PHF23: variants seen among roughly 807,000 people sequenced by gnomAD.
The protein encoded by PHF23 is PDH-containing protein JUNE-1.
Under a neutral mutation model 36.0 loss-of-function variants are expected in PHF23, and 3 were observed. That is an observed-to-expected ratio of 0.08 (90% CI 0.04 to 0.22). PHF23 has a LOEUF of 0.22. Among genes scored for constraint, PHF23 ranks in the 10% least tolerant of loss-of-function variants. The probability of loss-of-function intolerance (pLI) is 1.00; values close to 1 mark genes in which losing one functional copy is unlikely to be tolerated. For missense variants in PHF23, 475 were observed against 513.6 expected, an observed-to-expected ratio of 0.92 and a Z score of 0.73; for synonymous variants, 242 against 192.5, an observed-to-expected ratio of 1.26 and a Z score of -2.13.
rs752336515 is a variant in PHF23, at chr17:7,236,274, CTCT to C, written c.650_652del (p.Lys217del). On this transcript the variant is annotated inframe_deletion, in exon 4 of 5. Transcript: ENST00000320316. This position sits in a 1 kb window ranked among gnomAD's most constrained non-coding sequence, Gnocchi z 5.1. The stretch of plus-strand genomic sequence containing the variant: ...TGCCTTTTTTAACTTCCGCTTCTTG[CTCT>C]TCTTGATTCGAGATCTCTTTTCCCC... 4.3e-6 allele frequency: 7 copies of C among 1,613,510 alleles called. No individual in the cohort carries two copies. Among genetic ancestry groups the C allele is most frequent in the African/African-American group, 2.7e-5 (2 of 74,876 alleles).
rs747316242 is a variant in PHF23, at chr17:7,236,391, C to A, written c.536G>T (p.Arg179Leu). 5 of 1,613,962 alleles carry A rather than the reference C, an allele frequency of 3.1e-6. No individual in the cohort carries two copies. The South Asian group carries it at 4.4e-5, about 14-fold the overall frequency. The change falls in exon 4 of 5, where the codon CGA (arginine) becomes CTA (leucine). Residue 179 changes from arginine (R) to leucine (L), a missense_variant. Coordinates refer to ENST00000320316, the MANE Select transcript of PHF23 (RefSeq NM_024297.3). This position sits in a 1 kb window ranked among gnomAD's most constrained non-coding sequence, Gnocchi z 5.1. ...CTTTCGGTTCTTTCGGTCCTTCTTTCGAGGAGGATGGGAGAGGTCCCCCTG... is the reference window on the plus strand; with the variant it reads ...CTTTCGGTTCTTTCGGTCCTTCTTTAGAGGAGGATGGGAGAGGTCCCCCTG... ...LSQGDLSHPP[R>L]KKDRKNRKLG...
chr17:7,237,606 T>C, intron 2 of PHF23, 23 bp downstream of exon 2: 1 of 1,613,872 alleles, frequency 6.2e-7, no homozygotes, highest in South Asian at 1.1e-5. Context: ...GCTACTAGGC[T>C]GCAAAGGTAA....
rs1597563458 is a variant in PHF23, at chr17:7,236,658, A to G, written c.269T>C (p.Phe90Ser). Residue 90 changes from phenylalanine to serine, a missense_variant, in exon 4 of 5, where the codon TTT (phenylalanine) becomes TCT (serine). Around this residue, in one of 5 missense-constraint regions of PHF23, gnomAD observed 350 missense variants for 319.8 expected, o/e 1.09. Transcript: ENST00000320316. The surrounding 1 kb of genome is among the most constrained non-coding windows in gnomAD (Gnocchi z 5.1). The stretch of plus-strand genomic sequence containing the variant: ...CTTGGATGACTTTGCTTTCTTAACA[A>G]AAGTCTGGATGGTTCGAAGATCTGA... ...APSDLRTIQTFVKKAKSSKRR... is the reference protein window; with the variant it reads ...APSDLRTIQTSVKKAKSSKRR... The G allele has an allele frequency of 1.2e-6, 2 of 1,614,078 alleles. No homozygotes were observed. Among genetic ancestry groups the G allele is most frequent in the Non-Finnish European group, 1.7e-6 (2 of 1,180,010 alleles).
In PHF23 at chr17:7,237,473, G is replaced by A. The variant is rs2071692831; in HGVS notation, c.71C>T (p.Pro24Leu). Reference sequence around the variant, plus strand: ...CTCAATTGTTCTCCGCCGTTTCTCTGGTGGCTGAAAGGAAGGAGATATGGA... The same window carrying A: ...CTCAATTGTTCTCCGCCGTTTCTCTAGTGGCTGAAAGGAAGGAGATATGGA... ...PPTLKPETQP[P>L]EKRRRTIEDF... The change falls in exon 3 of 5, where the codon CCA (proline) becomes CTA (leucine). Residue 24 changes from proline to leucine, a missense_variant. Around this residue, in one of 5 missense-constraint regions of PHF23, gnomAD observed 54 missense variants for 42.0 expected, o/e 1.28. Transcript: ENST00000320316. 6.2e-7 allele frequency: 1 copy of A among 1,613,928 alleles called. No homozygotes were observed. Among genetic ancestry groups the A allele is most frequent in the Non-Finnish European group, 8.5e-7 (1 of 1,179,908 alleles).
chr17:7,236,009 A>G lies in PHF23; in HGVS notation c.918T>C (p.Thr306=). The change falls in exon 4 of 5, where the codon ACT becomes ACC. Residue 306 remains threonine, a synonymous_variant. Transcript: ENST00000320316. This position sits in a 1 kb window ranked among gnomAD's most constrained non-coding sequence, Gnocchi z 5.1. ...TGGCATCTCCATCTTGGCTTGTTTC[A>G]GTGCTGCCCACCTCCTTGCTTTCAC... ...ADSESKEVGS[T]ETSQDGDASS... The G allele has an allele frequency of 6.2e-7, 1 of 1,613,828 alleles. No homozygotes were observed. The highest frequency in any genetic ancestry group is 8.5e-7 in the Non-Finnish European group (1 of 1,179,850).
At position 7,235,076 on chromosome 17, in the gene PHF23, T is replaced by G. The variant is rs1019387100; in HGVS notation, c.*550A>C. 2 of 167,688 alleles carry G rather than the reference T, an allele frequency of 1.2e-5. No individual in the cohort carries two copies. The highest frequency in any genetic ancestry group is 1.1e-4 in the Admixed American group (2 of 18,066). 10.4% of individuals were successfully genotyped at this position (167,688 alleles called of 1,614,324 possible). On this transcript the variant is annotated 3_prime_UTR_variant, in exon 5 of 5. Transcript: ENST00000320316. Reference sequence around the variant, plus strand: ...TGCTTTATTTACAACACGCAGGCTGTCTGTACAAACAGCGGCCGATATTAT... The same window carrying G: ...TGCTTTATTTACAACACGCAGGCTGGCTGTACAAACAGCGGCCGATATTAT...
chr17:7,239,202 C>T (rs1322484203), intron 1 of PHF23, 44 bp downstream of exon 1: 1 of 1,375,406 alleles, frequency 7.3e-7, no homozygotes, highest in Non-Finnish European at 1.0e-6. Context: ...GATTCCTCGC[C>T]CGCCCCCCGC....
chr17:7,239,954 CCT>C (rs2071759041), upstream of PHF23: 1 of 152,422 alleles, frequency 6.6e-6, no homozygotes, highest in East Asian at 1.9e-4. Context: ...CTTCTCCCTC[CCT>C]GATTCCACTC....
At position 7,237,995 on chromosome 17, in the gene PHF23, C is replaced by T. The variant is rs2071709781; in HGVS notation, c.35-335G>A. ...CACCGTACCGCTCCCGGGGCCGCGT[C>T]CGGGCCGCCGCCAGCCGCCCCCGTC... On this transcript the variant is annotated intron_variant, in intron 1 of 4. Transcript: ENST00000320316. 1.8e-5 allele frequency: 5 copies of T among 271,484 alleles called. 1 individual carries two copies. In the South Asian group the frequency reaches 2.7e-4, roughly 15 times the overall value. The allele number at this position is 271,484 out of a possible 1,614,324, so 16.8% of individuals were successfully genotyped here. A position where few individuals can be genotyped will look rare whatever the true frequency, so the allele number is the denominator to read the frequency against.
Position 7,236,491 on chromosome 17 carries a change from C to A in PHF23, c.436G>T (p.Ala146Ser), listed in dbSNP as rs1372325927. ...AGGGATGTGGGGGACAAAGGAGATG[C>A]CACTTTGGGCCCATCCAGATCAAAG... Reference protein sequence around the residue: ...SLFDLDGPKVASPLSPTSLTH... With the variant: ...SLFDLDGPKVSSPLSPTSLTH... Residue 146 changes from alanine (A) to serine (S), a missense_variant, in exon 4 of 5, where the codon GCA becomes TCA. Transcript: ENST00000320316. This position sits in a 1 kb window ranked among gnomAD's most constrained non-coding sequence, Gnocchi z 5.1. 6.2e-7 allele frequency: 1 copy of A among 1,613,968 alleles called. No homozygotes were observed. Among genetic ancestry groups the A allele is most frequent in the East Asian group, 2.2e-5 (1 of 44,872 alleles).
rs1405916726 is a variant in PHF23, at chr17:7,236,775, G to A, written c.160-8C>T. On this transcript the variant is annotated splice_region_variant and splice_polypyrimidine_tract_variant and intron_variant, in intron 3 of 4. Coordinates refer to ENST00000320316, the MANE Select transcript of PHF23 (RefSeq NM_024297.3). This position sits in a 1 kb window ranked among gnomAD's most constrained non-coding sequence, Gnocchi z 5.1. ...GGCTGGCCAGTCACTTTCCTTAAAA[G>A]GGGGAAGAGACCAGGGTCAGCAGAA... is the stretch of plus-strand genomic sequence containing the variant. 1.2e-6 allele frequency: 2 copies of A among 1,603,278 alleles called. No homozygotes were observed. Among genetic ancestry groups the A allele is most frequent in the Admixed American group, 1.7e-5 (1 of 59,430 alleles).
At chr17:7,237,257 C>A (rs1214564077) in intron 3 of PHF23, 128 bp downstream of exon 3, 2 of 879,570 alleles carry the variant, frequency 2.3e-6, no homozygotes, top group Non-Finnish European at 3.6e-6. Context: ...TAAGAGTCTC[C>A]AACTTCCCTG....
At chr17:7,238,017 C>A in intron 1 of PHF23, 1 of 257,926 alleles carries the variant, frequency 3.9e-6, no homozygotes. Flanking sequence ...CAGCCGCCCC[C>A]GTCCTTCACA....
chr17:7,235,911 C>G lies in PHF23; in HGVS notation c.997+19G>C. 6.2e-7 allele frequency: 1 copy of G among 1,611,720 alleles called. No individual in the cohort carries two copies. The highest frequency in any genetic ancestry group is 8.5e-7 in the Non-Finnish European group (1 of 1,178,002). On this transcript the variant is annotated intron_variant, in intron 4 of 4. Coordinates refer to ENST00000320316, the MANE Select transcript of PHF23 (RefSeq NM_024297.3). ...TCCACAACACCCTCAAACCCCTCGC[C>G]CCAGCCCGAACCTCTCACCTGATTC...
rs758397419 is a variant in PHF23, at chr17:7,235,616, G to C, written c.*10C>G. Reference sequence around the variant, plus strand: ...TGTCATTTGGAAGTTCCAGGCTAAAGTTGGTGCCATCAGGGCTCTCCAGAT... The same window carrying C: ...TGTCATTTGGAAGTTCCAGGCTAAACTTGGTGCCATCAGGGCTCTCCAGAT... On this transcript the variant is annotated 3_prime_UTR_variant, in exon 5 of 5. Transcript: ENST00000320316. 12 of 1,611,770 alleles carry C rather than the reference G, an allele frequency of 7.4e-6. No homozygotes were observed. The East Asian group carries it at 2.7e-4, about 36-fold the overall frequency.
intron 1 of PHF23, 191 bp from the exon 2 acceptor site, chr17:7,237,851 C>G (rs1289363918): frequency 3.1e-6 from 2 of 654,394 alleles, no homozygotes; most frequent in East Asian, 5.5e-5. Flanking sequence ...CTGGGCGCGG[C>G]GCCCTCTGAG....
At position 7,235,716 on chromosome 17, in the gene PHF23, G is replaced by A. The variant is rs757959465; in HGVS notation, c.1122C>T (p.Asn374=). ...TCTGGCAATAAAAGAAGTCGGGGAC[G>A]TTGGTCTTCTTAATCTTAGCACAGG... ...HLSCAKIKKT[N]VPDFFYCQKC... is the part of the protein sequence containing the mutation. Residue 374 remains asparagine, a synonymous_variant, in exon 5 of 5, where the codon AAC becomes AAT. Transcript: ENST00000320316. 1.1e-5 allele frequency: 17 copies of A among 1,614,018 alleles called. No individual in the cohort carries two copies. Among genetic ancestry groups the A allele is most frequent in the East Asian group, 2.2e-5 (1 of 44,900 alleles).
chr17:7,237,530 C>T, intron 2 of PHF23, 53 bp from the exon 3 acceptor site: 9 of 1,605,018 alleles, frequency 5.6e-6, no homozygotes, highest in Non-Finnish European at 7.7e-6. Flanking sequence ...TTAAGAATGG[C>T]ATTCCCAGAA....
rs374283851 is a variant in PHF23 at position 7,236,244 on chromosome 17, C to G, written c.683G>C (p.Arg228Pro). Reference protein sequence around the residue: ...SKKRKLKKAERGDRLPPPGPP... With the variant: ...SKKRKLKKAEPGDRLPPPGPP... ...CCCAGGAGGTGGGAGTCTATCCCCCCGTTCTGCCTTTTTTAACTTCCGCTT... is the reference window on the plus strand; with the variant it reads ...CCCAGGAGGTGGGAGTCTATCCCCCGGTTCTGCCTTTTTTAACTTCCGCTT... The change falls in exon 4 of 5, where the codon CGG becomes CCG. Residue 228 changes from arginine (R) to proline (P), a missense_variant. Arg to Pro is a moderately radical substitution (Grantham distance 103). This residue lies in a region of PHF23 where 350 missense variants were observed against 319.8 expected (regional missense o/e 1.09). Coordinates refer to ENST00000320316, the MANE Select transcript of PHF23 (RefSeq NM_024297.3). This position sits in a 1 kb window ranked among gnomAD's most constrained non-coding sequence, Gnocchi z 5.1. 8 of 1,613,362 alleles carry G rather than the reference C, an allele frequency of 5.0e-6. No individual in the cohort carries two copies. Among genetic ancestry groups the G allele is most frequent in the Non-Finnish European group, 6.8e-6 (8 of 1,179,672 alleles).
Sources: gnomAD v4.1 joint callset for allele counts on GRCh38, gnomAD v4.1.1 for gene constraint, gnomAD v4.1.1 regional missense constraint, Gnocchi (gnomAD v3.1) non-coding constraint, MANE v1.5 for transcripts, NCBI Gene and HGNC (gene_info 2026-07-23, HGNC 2026-07-21) for gene names.